Variants in PCNX2 observed in about 807,000 individuals in gnomAD.
The protein encoded by PCNX2 is pecanex-like protein 2.
A neutral mutation model predicts 223.8 loss-of-function variants in PCNX2; 168 were observed. The ratio of observed to expected loss-of-function variants is 0.75; its 90% confidence interval spans 0.66 to 0.85. PCNX2 has a LOEUF of 0.85. PCNX2 is among the 40% of genes least tolerant of loss of function. The pLI, the probability that PCNX2 is intolerant of heterozygous loss-of-function variation, is 0.00. For missense variants in PCNX2, 2,507 were observed against 2,675.5 expected (o/e 0.94, Z 1.39); for synonymous variants, 1,006 against 1,052.6 (o/e 0.96, Z 0.86).
intron 21 of PCNX2, 82 bp from the exon 22 acceptor site, chr1:233,095,945 G>A: frequency 9.6e-7 from 1 of 1,036,528 alleles, no homozygotes; most frequent in Non-Finnish European, 1.4e-6. Flanking sequence ...AAGGACATTT[G>A]TCAAGGTTAG....
chr1:233,145,546 T>G (rs1163277502), intron 19 of PCNX2, among the ~76,000 whole-genome samples: 1 of 152,044 alleles, frequency 6.6e-6, no homozygotes, highest in Non-Finnish European at 1.5e-5. Flanking sequence ...TGACCCTGAG[T>G]CTTTTCTGCT....
At chr1:233,097,238 T>C (rs892235911) in intron 21 of PCNX2, among the ~76,000 whole-genome samples, 1 of 151,110 alleles carries the variant, frequency 6.6e-6, no homozygotes, top group Non-Finnish European at 1.5e-5. Flanking sequence ...AGGTGAAAGC[T>C]GAAGAATTTT....
chr1:233,064,534 T>C (rs556210838), intron 23 of PCNX2, among the ~76,000 whole-genome samples: 1 of 152,288 alleles, frequency 6.6e-6, no homozygotes, highest in Admixed American at 6.5e-5. Context: ...TCTGCTTCTG[T>C]AGGACTAACG....
rs574282561 is a variant in PCNX2 at position 233,240,223 on chromosome 1, G to A, written c.2223-3243C>T. Among the ~76,000 whole-genome samples the A allele has an allele frequency of 6.6e-5, 10 of 152,290 alleles. No individual in the cohort carries two copies. In the East Asian group the frequency reaches 1.7e-3, roughly 27 times the overall value. On this transcript the variant is annotated intron_variant, in intron 8 of 33. Coordinates refer to ENST00000258229, the MANE Select transcript of PCNX2 (RefSeq NM_014801.4). ...ACCCAAGTACCAAAGAGACGATGAT[G>A]TCCACAAAAATCACTGAAACGGACA...
At position 232,990,363 on chromosome 1, in the gene PCNX2, T is replaced by A. The variant is rs1669652335; in HGVS notation, c.5792-3823A>T. ...GCTCTGTGCTCCCGGTCGCAGTCAG[T>A]GCTAGAGAGCCTTCTGGATAGTTGA... is the stretch of plus-strand genomic sequence containing the variant. On this transcript the variant is annotated intron_variant, in intron 32 of 33. Coordinates refer to ENST00000258229, the MANE Select transcript of PCNX2 (RefSeq NM_014801.4). The surrounding 1 kb of genome is among the most constrained non-coding windows in gnomAD (Gnocchi z 4.3). 6.6e-6 allele frequency among the ~76,000 whole-genome samples: 1 copy of A among 152,184 alleles called. No homozygotes were observed. Among genetic ancestry groups the A allele is most frequent in the Admixed American group, 6.5e-5 (1 of 15,292 alleles).
At chr1:233,249,665 G>A (rs1024718866) in intron 8 of PCNX2, among the ~76,000 whole-genome samples, 4 of 152,242 alleles carry the variant, frequency 2.6e-5, no homozygotes, top group African/African-American at 9.6e-5. Flanking sequence ...TTCCCCACAG[G>A]AGTGACTTTG....
intron 23 of PCNX2, among the ~76,000 whole-genome samples, chr1:233,082,349 G>C (rs77855785): frequency 0.017 from 2,615 of 152,110 alleles, 63 homozygotes; most frequent in African/African-American, 0.059. Context: ...ATAGATCCAG[G>C]GCCCAACGTA....
chr1:232,996,273 C>T (rs1286783156), intron 32 of PCNX2, among the ~76,000 whole-genome samples: 2 of 152,196 alleles, frequency 1.3e-5, no homozygotes, highest in African/African-American at 4.8e-5. Context: ...ACCCCCCTGA[C>T]TCTGGACTTT....
chr1:233,086,829 G>T, intron 23 of PCNX2: 1 of 165,478 alleles, frequency 6.0e-6, no homozygotes, highest in Non-Finnish European at 1.2e-5. Context: ...CTTCCTATTG[G>T]ACAGTGCTGG....
At chr1:233,151,877 G>A (rs1677833103) in intron 19 of PCNX2, among the ~76,000 whole-genome samples, 1 of 152,190 alleles carries the variant, frequency 6.6e-6, no homozygotes, top group Non-Finnish European at 1.5e-5. Flanking sequence ...GTACAGGCGT[G>A]AGCCACTGCG....
At chr1:233,255,364 T>A (rs148967175) in intron 5 of PCNX2, among the ~76,000 whole-genome samples, 5 of 152,296 alleles carry the variant, frequency 3.3e-5, no homozygotes, top group African/African-American at 1.2e-4. Context: ...TCAGGGCACA[T>A]CCGAAGCCTT....
the PCNX2 span, among the ~76,000 whole-genome samples, chr1:233,319,036 C>A: frequency 6.6e-6 from 1 of 152,184 alleles, no homozygotes; most frequent in Non-Finnish European, 1.5e-5. Flanking sequence ...CACAACCCTC[C>A]TCACTGATAC....
intron 1 of PCNX2, chr1:233,284,997 G>A: frequency 6.1e-6 from 6 of 985,252 alleles, no homozygotes; most frequent in Non-Finnish European, 7.2e-6. Context: ...CCTATAATGA[G>A]CAGGACCCCC....
intron 1 of PCNX2, among the ~76,000 whole-genome samples, chr1:233,265,498 T>C (rs959686326): frequency 2.6e-5 from 4 of 152,200 alleles, no homozygotes; most frequent in African/African-American, 9.6e-5. Context: ...TCTTTTCCTC[T>C]TTACTTGGTG....
intron 25 of PCNX2, among the ~76,000 whole-genome samples, chr1:233,045,058 T>G (rs1671780296): frequency 6.6e-6 from 1 of 152,212 alleles, no homozygotes; most frequent in Non-Finnish European, 1.5e-5. Flanking sequence ...TTGATCATTC[T>G]TTTGGGCTAT....
chr1:233,186,595 C>G (rs752032154), intron 15 of PCNX2, among the ~76,000 whole-genome samples: 1 of 152,226 alleles, frequency 6.6e-6, no homozygotes, highest in South Asian at 2.1e-4. Context: ...GGGGCTCCCC[C>G]AGTGCCTCAC....
chr1:233,106,039 G>A (rs1278362709), intron 21 of PCNX2, among the ~76,000 whole-genome samples: 1 of 152,128 alleles, frequency 6.6e-6, no homozygotes, highest in Non-Finnish European at 1.5e-5. Context: ...GAGGAAGGAA[G>A]CAAGGGTGGA....
Position 233,187,578 on chromosome 1 carries a change from T to C in PCNX2, c.3067-8403A>G, listed in dbSNP as rs557855674. 8.5e-5 allele frequency among the ~76,000 whole-genome samples: 13 copies of C among 152,286 alleles called. No homozygotes were observed. In the South Asian group the frequency reaches 1.0e-3, roughly 12 times the overall value. ...GTCCAAATCTTACTTCACTCAACAA[T>C]TGCAATTCCATTTTGAACAACTTCT... On this transcript the variant is annotated intron_variant, in intron 15 of 33. Transcript: ENST00000258229.
intron 23 of PCNX2, among the ~76,000 whole-genome samples, chr1:233,060,138 T>C (rs1339276077): frequency 6.6e-6 from 1 of 152,244 alleles, no homozygotes; most frequent in East Asian, 1.9e-4. Context: ...ATTACAGCTT[T>C]AGTTTTCCTT....
Sources: gnomAD v4.1 joint callset for allele counts (sites outside exome capture counted in the v4.1 genomes callset) on GRCh38, gnomAD v4.1.1 for gene constraint, Gnocchi (gnomAD v3.1) non-coding constraint, MANE v1.5 for transcripts, NCBI Gene and HGNC (gene_info 2026-07-23, HGNC 2026-07-21) for gene names.